DNAAF5: variants seen among roughly 807,000 people sequenced by gnomAD.
DNAAF5 encodes HEAT repeat containing 2.
A neutral mutation model predicts 75.8 loss-of-function variants in DNAAF5; 64 were observed. The observed-to-expected ratio is 0.84, with a 90% CI of 0.69 to 1.04. DNAAF5 has a LOEUF of 1.04. DNAAF5 is among the 50% of genes least tolerant of loss of function. The probability of loss-of-function intolerance (pLI) is 0.00; values close to 1 mark genes in which losing one functional copy is unlikely to be tolerated. For synonymous variants in DNAAF5, 657 were observed against 557.2 expected (o/e 1.18, Z -2.52); for missense variants, 1,269 against 1,178.5 (o/e 1.08, Z -1.12).
At chr7:739,738 C>T (rs2128072405) in intron 2 of DNAAF5, among the ~76,000 whole-genome samples, 1 of 152,312 alleles carries the variant, frequency 6.6e-6, no homozygotes. Context: ...TGGCAATGAA[C>T]TTCGGAGCAG....
At chr7:765,546 C>T (rs979211659) in intron 8 of DNAAF5, among the ~76,000 whole-genome samples, 1 of 152,176 alleles carries the variant, frequency 6.6e-6, no homozygotes, top group Non-Finnish European at 1.5e-5. Context: ...TCTGTTCTTC[C>T]TCTTTGCAGA....
At chr7:772,036 G>T (rs1453520750) in intron 9 of DNAAF5, 1 of 152,330 alleles carries the variant, frequency 6.6e-6, no homozygotes, top group African/African-American at 2.4e-5. Flanking sequence ...ATGGTGGGCG[G>T]GGAGTCGCCA....
intron 1 of DNAAF5, 156 bp downstream of exon 1, chr7:727,471 C>T (rs1583468935): frequency 3.0e-6 from 1 of 329,102 alleles, no homozygotes; most frequent in Non-Finnish European, 5.2e-6. Flanking sequence ...GCTTCCCCCA[C>T]CCGCCTGCCC....
intron 11 of DNAAF5, among the ~76,000 whole-genome samples, 164 bp downstream of exon 11, chr7:775,326 C>T (rs1376337432): frequency 6.6e-6 from 1 of 152,160 alleles, no homozygotes; most frequent in East Asian, 1.9e-4. Flanking sequence ...AGGAGGGTTG[C>T]TTGAGCCCAG....
Position 727,169 on chromosome 7 carries a change from G to A in DNAAF5, c.449G>A (p.Gly150Asp). 3 of 1,318,570 alleles carry A rather than the reference G, an allele frequency of 2.3e-6. No homozygotes were observed. The highest frequency in any genetic ancestry group is 1.8e-5 in the South Asian group (1 of 56,342). 81.7% of individuals were successfully genotyped at this position (1,318,570 alleles called of 1,614,324 possible). A position where few individuals can be genotyped will look rare whatever the true frequency, so the allele number is the denominator to read the frequency against. ...CGCCTGGCGCTTGTGCAGCTGCTGGGCCTGGCCGTGGACCTGTGCGGCGCC... is the reference window on the plus strand; with the variant it reads ...CGCCTGGCGCTTGTGCAGCTGCTGGACCTGGCCGTGGACCTGTGCGGCGCC... ...ELRLALVQLL[G>D]LAVDLCGAAL... is the part of the protein sequence containing the mutation. The change falls in exon 1 of 13, where the codon GGC (glycine) becomes GAC (aspartate). Residue 150 changes from glycine to aspartate, a missense_variant. Coordinates refer to ENST00000297440, the MANE Select transcript of DNAAF5 (RefSeq NM_017802.4).
intron 4 of DNAAF5, among the ~76,000 whole-genome samples, chr7:748,927 C>G (rs1395330906): frequency 6.6e-6 from 1 of 152,216 alleles, no homozygotes. Context: ...AGGTAATGAC[C>G]TATCAATAAG....
Position 727,142 on chromosome 7 carries a change from T to C in DNAAF5, c.422T>C (p.Leu141Pro). Residue 141 changes from leucine (L) to proline (P), a missense_variant, in exon 1 of 13, where the codon CTG becomes CCG. Leu to Pro is a moderately conservative substitution (Grantham distance 98). Transcript: ENST00000297440. Reference protein sequence around the residue: ...ARRPPEACEELRLALVQLLGL... With the variant: ...ARRPPEACEEPRLALVQLLGL... ...CGCCCGCCCGAGGCCTGTGAGGAGC[T>C]GCGCCTGGCGCTTGTGCAGCTGCTG... 3 of 1,240,562 alleles carry C rather than the reference T, an allele frequency of 2.4e-6. No individual in the cohort carries two copies. Among genetic ancestry groups the C allele is most frequent in the South Asian group, 2.4e-5 (1 of 41,212 alleles). 76.8% of individuals were successfully genotyped at this position (1,240,562 alleles called of 1,614,324 possible). A position where few individuals can be genotyped will look rare whatever the true frequency, so the allele number is the denominator to read the frequency against.
In DNAAF5 at chr7:785,640, C is replaced by T. The variant is rs1301630382; in HGVS notation, c.2555C>T (p.Pro852Leu). 1.2e-6 allele frequency: 2 copies of T among 1,612,840 alleles called. No individual in the cohort carries two copies. ...EQLLQHVQAV[P>L]ATQ Reference sequence around the variant, plus strand: ...CTCCTGCAGCATGTGCAGGCCGTGCCAGCCACACAGTGACCACGCTGGTTT... The same window carrying T: ...CTCCTGCAGCATGTGCAGGCCGTGCTAGCCACACAGTGACCACGCTGGTTT... The change falls in exon 13 of 13, where the codon CCA (proline) becomes CTA (leucine). Residue 852 changes from proline (P) to leucine (L), a missense_variant. By Grantham distance (98) the Pro-to-Leu change is moderately conservative. Transcript: ENST00000297440.
At chr7:776,474 C>T (rs1160150482) in intron 11 of DNAAF5, among the ~76,000 whole-genome samples, 1 of 152,206 alleles carries the variant, frequency 6.6e-6, no homozygotes, top group African/African-American at 2.4e-5. Flanking sequence ...CAAACCAGCA[C>T]TGGGTGGGGG....
At chr7:781,453 G>A (rs1206021247) in intron 12 of DNAAF5, among the ~76,000 whole-genome samples, 1 of 151,922 alleles carries the variant, frequency 6.6e-6, no homozygotes, top group Non-Finnish European at 1.5e-5. Flanking sequence ...TCCACACCTT[G>A]GCTGTCGGAA....
intron 12 of DNAAF5, among the ~76,000 whole-genome samples, chr7:782,975 G>A (rs894015738): frequency 2.0e-5 from 3 of 152,256 alleles, no homozygotes; most frequent in Non-Finnish European, 4.4e-5. Flanking sequence ...CTCTTGTTAC[G>A]CAACGTCAGA....
chr7:741,268 A>G (rs1422686898), intron 3 of DNAAF5, 79 bp from the exon 4 acceptor site: 6 of 1,049,616 alleles, frequency 5.7e-6, no homozygotes, highest in Non-Finnish European at 8.5e-6. Context: ...TCTTTGGGTG[A>G]CCCGTGTCCT....
Position 761,302 on chromosome 7 carries a change from C to T in DNAAF5, c.1471-451C>T, listed in dbSNP as rs112907767. 2.2e-3 allele frequency among the ~76,000 whole-genome samples: 342 copies of T among 152,388 alleles called. 3 individuals carry two copies. Among genetic ancestry groups the T allele is most frequent in the African/African-American group, 7.7e-3 (319 of 41,596 alleles). Reference sequence around the variant, plus strand: ...CCCATGGCTGCTGCCCCTCGTGAGCCGTAGACTAGGAGCCCCGGGCGGGCT... The same window carrying T: ...CCCATGGCTGCTGCCCCTCGTGAGCTGTAGACTAGGAGCCCCGGGCGGGCT... On this transcript the variant is annotated intron_variant, in intron 6 of 12. Transcript: ENST00000297440.
intron 2 of DNAAF5, among the ~76,000 whole-genome samples, chr7:738,961 C>G (rs1242613431): frequency 6.6e-6 from 1 of 152,264 alleles, no homozygotes; most frequent in Non-Finnish European, 1.5e-5. Flanking sequence ...AGACTGCTCC[C>G]TGGCTGCCGG....
At position 743,913 on chromosome 7, in the gene DNAAF5, TTTA is replaced by T. The variant is rs1025104279; in HGVS notation, c.1024+2454_1024+2456del. On this transcript the variant is annotated intron_variant, in intron 4 of 12. Coordinates refer to ENST00000297440, the MANE Select transcript of DNAAF5 (RefSeq NM_017802.4). ...CATAAATAAGTTCTTTTTTTATTTT[TTTA>T]TTATTTATTATTTATTTTTATTTTA... Among the ~76,000 whole-genome samples the T allele has an allele frequency of 1.5e-3, 220 of 149,712 alleles. 1 individual carries two copies. Among genetic ancestry groups the T allele is most frequent in the African/African-American group, 4.1e-3 (167 of 41,060 alleles).
intron 10 of DNAAF5, among the ~76,000 whole-genome samples, chr7:774,487 C>G (rs1778690104): frequency 6.6e-6 from 1 of 152,182 alleles, no homozygotes; most frequent in African/African-American, 2.4e-5. Context: ...TCTCGGTTTC[C>G]GGCCCAATGC....
At chr7:746,998 C>T (rs892605341) in intron 4 of DNAAF5, among the ~76,000 whole-genome samples, 7 of 152,254 alleles carry the variant, frequency 4.6e-5, no homozygotes, top group South Asian at 2.1e-4. Flanking sequence ...GCGTGAGTCA[C>T]GTTCCCTCCC....
At chr7:736,137 C>G (rs548254982) in intron 2 of DNAAF5, among the ~76,000 whole-genome samples, 220 of 152,306 alleles carry the variant, frequency 1.4e-3, no homozygotes, top group African/African-American at 5.1e-3. Context: ...TATGGTCTGT[C>G]CTTGAAAATG....
chr7:780,284 G>C, intron 12 of DNAAF5, 140 bp downstream of exon 12: 1 of 709,816 alleles, frequency 1.4e-6, no homozygotes, highest in Non-Finnish European at 2.3e-6. Flanking sequence ...ACACTCTTGA[G>C]TTCTTGGCAA....
Sources: gnomAD v4.1 joint callset for allele counts (sites outside exome capture counted in the v4.1 genomes callset) on GRCh38, gnomAD v4.1.1 for gene constraint, MANE v1.5 for transcripts, NCBI Gene and HGNC (gene_info 2026-07-23, HGNC 2026-07-21) for gene names.